ESR1: variants seen among roughly 807,000 people sequenced by gnomAD.
ESR1 encodes estrogen receptor.
Under a neutral mutation model 52.7 loss-of-function variants are expected in ESR1, and 12 were observed. That is an observed-to-expected ratio of 0.23 (90% CI 0.15 to 0.37). The LOEUF (loss-of-function observed/expected upper bound fraction) is 0.37. Ranked by LOEUF, ESR1 falls within the 10% of genes least tolerant of loss-of-function variation. The pLI is 1.00. For missense variants in ESR1, 584 were observed against 779.7 expected (o/e 0.75, Z 2.99); for synonymous variants, 305 against 316.8 (o/e 0.96, Z 0.39).
At chr6:151,899,476 G>T (rs1190417519) in intron 3 of ESR1, among the ~76,000 whole-genome samples, 1 of 144,264 alleles carries the variant, frequency 6.9e-6, no homozygotes, top group Non-Finnish European at 1.5e-5. Flanking sequence ...CAGGCGGGGG[G>T]CTGACCCCCC....
chr6:151,829,758 T>C lies in ESR1; in HGVS notation c.453-12839T>C, dbSNP rs751279352. On this transcript the variant is annotated intron_variant, in intron 1 of 7. Transcript: ENST00000206249. ...TAGCAAACATAGTTGTAATTTCTCA[T>C]TTTACAGATGAAGAAACTGAGGTGC... Among the ~76,000 whole-genome samples, 4 of 152,334 alleles carry C rather than the reference T, an allele frequency of 2.6e-5. No individual in the cohort carries two copies. The South Asian group carries it at 6.2e-4, about 24-fold the overall frequency.
intron 1 of ESR1, among the ~76,000 whole-genome samples, chr6:151,673,109 A>T (rs948703831): frequency 6.6e-6 from 1 of 152,152 alleles, no homozygotes; most frequent in Non-Finnish European, 1.5e-5. Context: ...TACAGGCATG[A>T]GCCACGGCGC....
intron 6 of ESR1, among the ~76,000 whole-genome samples, chr6:152,069,560 A>C (rs916318253): frequency 1.5e-5 from 2 of 135,984 alleles, no homozygotes; most frequent in Non-Finnish European, 3.0e-5. Flanking sequence ...CATGAAAGAA[A>C]ATTTTTCCAC....
chr6:151,861,992 G>A (rs1362818024), intron 2 of ESR1, among the ~76,000 whole-genome samples: 1 of 152,118 alleles, frequency 6.6e-6, no homozygotes, highest in African/African-American at 2.4e-5. Flanking sequence ...TGGTTTGAGG[G>A]TATTGTGGTT....
chr6:151,892,230 T>G (rs1158211868), intron 3 of ESR1, among the ~76,000 whole-genome samples: 2 of 152,204 alleles, frequency 1.3e-5, no homozygotes, highest in African/African-American at 4.8e-5. Context: ...ATTTTATGTT[T>G]TATGATCTAA....
rs534050488 is a variant in ESR1 at position 151,952,082 on chromosome 6, A to G, written c.1096+7574A>G. ...TTCATCTTAACTTGATTGCATCTGCAAAGACCTGATTTCCAAATACGACCA... is the reference window on the plus strand; with the variant it reads ...TTCATCTTAACTTGATTGCATCTGCGAAGACCTGATTTCCAAATACGACCA... On this transcript the variant is annotated intron_variant, in intron 4 of 7. Transcript: ENST00000206249. Among the ~76,000 whole-genome samples the G allele has an allele frequency of 6.6e-5, 10 of 152,320 alleles. No individual in the cohort carries two copies. The South Asian group carries it at 2.1e-3, about 32-fold the overall frequency.
intron 2 of ESR1, among the ~76,000 whole-genome samples, chr6:151,786,918 C>T (rs1235600974): frequency 3.9e-5 from 6 of 152,058 alleles, no homozygotes; most frequent in African/African-American, 1.4e-4. Context: ...CAAGCGATTC[C>T]CCTGCCTCAG....
At chr6:151,816,764 C>T (rs1269642335) in intron 1 of ESR1, among the ~76,000 whole-genome samples, 1 of 152,150 alleles carries the variant, frequency 6.6e-6, no homozygotes, top group Non-Finnish European at 1.5e-5. Flanking sequence ...TCAAATTTGG[C>T]TGCGTGCAGC....
chr6:151,736,375 G>GGTTTTTTTTTTTTTTTTTTTTTT (rs1554247186), intron 2 of ESR1, among the ~76,000 whole-genome samples: 2 of 112,742 alleles, frequency 1.8e-5, no homozygotes, highest in African/African-American at 7.6e-5. Flanking sequence ...TCCAGGTAGT[G>GGTTTTTTTTTTTTTTTTTTTTTT]TTTTTTTTTT....
intron 1 of ESR1, among the ~76,000 whole-genome samples, chr6:151,673,032 T>C (rs1778129043): frequency 6.6e-6 from 1 of 151,178 alleles, no homozygotes; most frequent in African/African-American, 2.4e-5. Flanking sequence ...TTCACCGTAT[T>C]AGCCAGAATG....
intron 3 of ESR1, among the ~76,000 whole-genome samples, chr6:151,935,274 A>G (rs1211864690): frequency 6.6e-6 from 1 of 152,244 alleles, no homozygotes; most frequent in African/African-American, 2.4e-5. Context: ...TCAGCAGAAA[A>G]AGAAATTACT....
At chr6:151,830,821 C>G (rs760026765) in intron 1 of ESR1, among the ~76,000 whole-genome samples, 1 of 152,116 alleles carries the variant, frequency 6.6e-6, no homozygotes, top group Non-Finnish European at 1.5e-5. Context: ...AGCCTCTTGA[C>G]ATTTTACCGA....
At chr6:151,999,977 T>A (rs2041822025) in intron 4 of ESR1, among the ~76,000 whole-genome samples, 1 of 152,088 alleles carries the variant, frequency 6.6e-6, no homozygotes, top group Admixed American at 6.6e-5. Flanking sequence ...AAATTTTATA[T>A]GTGTAGCTCA....
chr6:151,782,607 C>T (rs987938369), intron 2 of ESR1, among the ~76,000 whole-genome samples: 6 of 151,818 alleles, frequency 4.0e-5, no homozygotes, highest in Admixed American at 1.3e-4. Flanking sequence ...TATTTCCCTC[C>T]AGAAATGTGT....
intron 2 of ESR1, among the ~76,000 whole-genome samples, chr6:151,868,071 AGTACCCAATGATAGTTTTTT>A (rs67125698): frequency 0.46 from 69,059 of 150,826 alleles, 16,622 homozygotes; most frequent in African/African-American, 0.62. Flanking sequence ...TAATGAGCAT[AGTACCCAATGATAGTTTTTT>A]GTACCCAATG....
intron 1 of ESR1, among the ~76,000 whole-genome samples, chr6:151,816,974 A>G (rs1779758290): frequency 6.6e-6 from 1 of 152,220 alleles, no homozygotes; most frequent in Non-Finnish European, 1.5e-5. Context: ...GGACTGAAGC[A>G]ATCCCAGAGA....
At chr6:151,746,739 A>T (rs912551292) in intron 2 of ESR1, among the ~76,000 whole-genome samples, 2 of 152,238 alleles carry the variant, frequency 1.3e-5, no homozygotes, top group African/African-American at 2.4e-5. Flanking sequence ...CTTTTATATA[A>T]CGAACTGGGA....
chr6:151,991,870 C>T (rs1307676817), intron 4 of ESR1, among the ~76,000 whole-genome samples: 1 of 152,068 alleles, frequency 6.6e-6, no homozygotes, highest in Non-Finnish European at 1.5e-5. Context: ...CTCAGGGGAT[C>T]CTCTTCCTCA....
intron 2 of ESR1, among the ~76,000 whole-genome samples, chr6:151,753,329 T>A (rs1039944434): frequency 6.6e-6 from 1 of 151,882 alleles, no homozygotes; most frequent in Admixed American, 6.6e-5. Flanking sequence ...ATTTTTTTTT[T>A]TTTTTTTTGA....
Sources: gnomAD v4.1 joint callset for allele counts (sites outside exome capture counted in the v4.1 genomes callset) on GRCh38, gnomAD v4.1.1 for gene constraint, MANE v1.5 for transcripts, NCBI Gene and HGNC (gene_info 2026-07-23, HGNC 2026-07-21) for gene names.